The following ABHD4 variants were observed in gnomAD, a reference collection of about 807,000 sequenced individuals.
The protein encoded by ABHD4 is (Lyso)-N-acylphosphatidylethanolamine lipase.
ABHD4 carries 35 observed loss-of-function variants against 42.3 expected under a neutral mutation model. The ratio of observed to expected loss-of-function variants is 0.83; its 90% CI spans 0.63 to 1.10. ABHD4 has a LOEUF of 1.10. Ranked by LOEUF, ABHD4 falls within the 50% of genes least tolerant of loss-of-function variation. ABHD4 has a pLI of 0.00. For missense variants in ABHD4, 389 were observed against 454.8 expected (o/e 0.86, Z 1.32); for synonymous variants, 169 against 170.6 (o/e 0.99, Z 0.07).
In ABHD4 at chr14:22,601,518, G is replaced by A. The variant is rs117318975; in HGVS notation, c.24-149G>A. ...AAAGAAACAATCTATCAGGTAGCTA[G>A]GGAACTGCTGCCTGCCATGGGGGGC... On this transcript the variant is annotated intron_variant, in intron 1 of 6. Coordinates refer to ENST00000428304, the MANE Select transcript of ABHD4 (RefSeq NM_022060.3). 1,503 of 665,126 alleles carry A rather than the reference G, an allele frequency of 2.3e-3. 20 individuals carry two copies. In the East Asian group the frequency reaches 0.033, roughly 15 times the overall value. 41.2% of individuals were successfully genotyped at this position (665,126 alleles called of 1,614,324 possible).
Position 22,611,044 on chromosome 14 carries a change from A to C in ABHD4, c.*96A>C. On this transcript the variant is annotated 3_prime_UTR_variant, in exon 7 of 7. Coordinates refer to ENST00000428304, the MANE Select transcript of ABHD4 (RefSeq NM_022060.3). Reference sequence around the variant, plus strand: ...CTCTGTCCTTTCCTCACCAACTAACATGTGCCAGCCAGGCAGAGTCTTGTG... The same window carrying C: ...CTCTGTCCTTTCCTCACCAACTAACCTGTGCCAGCCAGGCAGAGTCTTGTG... The C allele has an allele frequency of 3.7e-6, 4 of 1,066,684 alleles. No individual in the cohort carries two copies. Among genetic ancestry groups the C allele is most frequent in the South Asian group, 1.3e-5 (1 of 76,016 alleles). 66.1% of individuals were successfully genotyped at this position (1,066,684 alleles called of 1,614,324 possible).
At chr14:22,608,202 G>A (rs78146195) in intron 5 of ABHD4, among the ~76,000 whole-genome samples, 3,720 of 152,268 alleles carry the variant, frequency 0.024, 74 homozygotes, top group Middle Eastern at 0.037. Context: ...GTATCTTAAG[G>A]AAAAATTTAT....
At chr14:22,610,222 T>C (rs2037396836) in intron 6 of ABHD4, among the ~76,000 whole-genome samples, 2 of 152,128 alleles carry the variant, frequency 1.3e-5, no homozygotes, top group Non-Finnish European at 2.9e-5. Context: ...CACGCCCAGC[T>C]AATTTTGTAT....
At chr14:22,608,639 G>A (rs2037374634) in intron 5 of ABHD4, among the ~76,000 whole-genome samples, 1 of 152,192 alleles carries the variant, frequency 6.6e-6, no homozygotes, top group Non-Finnish European at 1.5e-5. Flanking sequence ...TCCCCAGTCT[G>A]TGTTTTCATA....
At position 22,604,526 on chromosome 14, in the gene ABHD4, C is replaced by T. The variant is rs370380680; in HGVS notation, c.640+447C>T. ...CCTCCCGAAGTGCTGGGATTACAGG[C>T]GTGAGCCACCGCGCCTGGCCTGTTT... On this transcript the variant is annotated intron_variant, in intron 4 of 6. Transcript: ENST00000428304. Among the ~76,000 whole-genome samples, 42 of 152,102 alleles carry T rather than the reference C, an allele frequency of 2.8e-4. No individual in the cohort carries two copies. The East Asian group carries it at 5.2e-3, about 19-fold the overall frequency.
At chr14:22,599,994 T>G in intron 1 of ABHD4, 1 of 300,858 alleles carries the variant, frequency 3.3e-6, no homozygotes, top group South Asian at 2.6e-5. Flanking sequence ...ACACTGGGAA[T>G]GTAGACAACT....
intron 1 of ABHD4, among the ~76,000 whole-genome samples, 164 bp from the exon 2 acceptor site, chr14:22,601,503 T>A (rs536692841): frequency 7.2e-5 from 11 of 152,246 alleles, no homozygotes; most frequent in Admixed American, 5.9e-4. Context: ...AAAGAAACAA[T>A]CTATCAGGTA....
intron 5 of ABHD4, among the ~76,000 whole-genome samples, chr14:22,608,639 G>C (rs2037374634): frequency 6.6e-6 from 1 of 152,192 alleles, no homozygotes; most frequent in Non-Finnish European, 1.5e-5. Context: ...TCCCCAGTCT[G>C]TGTTTTCATA....
chr14:22,611,082 C>G lies in ABHD4; in HGVS notation c.*134C>G, dbSNP rs2037410279. Reference sequence around the variant, plus strand: ...GCAGAGTCTTGTGCTGTTCCCAGAACAGGACGACAGTGAAAAGAACACTCT... The same window carrying G: ...GCAGAGTCTTGTGCTGTTCCCAGAAGAGGACGACAGTGAAAAGAACACTCT... On this transcript the variant is annotated 3_prime_UTR_variant, in exon 7 of 7. Coordinates refer to ENST00000428304, the MANE Select transcript of ABHD4 (RefSeq NM_022060.3). The G allele has an allele frequency of 2.6e-6, 2 of 763,918 alleles. No homozygotes were observed. The highest frequency in any genetic ancestry group is 4.4e-6 in the Non-Finnish European group (2 of 452,724). The allele number at this position is 763,918 out of a possible 1,614,324, so 47.3% of individuals were successfully genotyped here.
At chr14:22,599,625 G>A (rs991023033) in intron 1 of ABHD4, among the ~76,000 whole-genome samples, 6 of 152,212 alleles carry the variant, frequency 3.9e-5, no homozygotes, top group Non-Finnish European at 4.4e-5. Context: ...CTCCCACCAA[G>A]GACTCTCTGC....
chr14:22,608,804 C>A (rs752693348), intron 5 of ABHD4, among the ~76,000 whole-genome samples: 1 of 152,180 alleles, frequency 6.6e-6, no homozygotes, highest in Admixed American at 6.5e-5. Context: ...CAGGTTCAAG[C>A]GATTCTCCTG....
rs751934217 is a variant in ABHD4 at position 22,606,548 on chromosome 14, C to T, written c.752+15C>T. On this transcript the variant is annotated intron_variant, in intron 5 of 6. Transcript: ENST00000428304. ...CAGAATCCCAGGTGAGGGCCGCTCC[C>T]CAGGCCAGCTTGGGGCAGACAGTTG... 1.9e-6 allele frequency: 3 copies of T among 1,575,566 alleles called. No homozygotes were observed. Among genetic ancestry groups the T allele is most frequent in the Non-Finnish European group, 2.6e-6 (3 of 1,147,828 alleles).
At chr14:22,599,229 G>A (rs972477245) in intron 1 of ABHD4, among the ~76,000 whole-genome samples, 2 of 152,220 alleles carry the variant, frequency 1.3e-5, no homozygotes, top group Non-Finnish European at 2.9e-5. Context: ...TACTTTCTAA[G>A]ATGACTTTTC....
chr14:22,612,765 T>C lies in ABHD4; in HGVS notation c.*1817T>C, dbSNP rs2037429024. On this transcript the variant is annotated 3_prime_UTR_variant, in exon 7 of 7. Transcript: ENST00000428304. ...AAATATTCCTTATGCAGAGATGCCT[T>C]CCCCTGATTCCCTAAACTAGACTCG... 2 of 152,230 alleles carry C rather than the reference T, an allele frequency of 1.3e-5. No homozygotes were observed. Among genetic ancestry groups the C allele is most frequent in the Admixed American group, 6.5e-5 (1 of 15,280 alleles). The allele number at this position is 152,230 out of a possible 1,614,324, so 9.4% of individuals were successfully genotyped here. A position where few individuals can be genotyped will look rare whatever the true frequency, so the allele number is the denominator to read the frequency against.
chr14:22,602,381 C>T (rs2037295666), intron 2 of ABHD4, among the ~76,000 whole-genome samples: 1 of 152,190 alleles, frequency 6.6e-6, no homozygotes, highest in African/African-American at 2.4e-5. Flanking sequence ...CCAGCCATAG[C>T]TACCCTTTCT....
intron 5 of ABHD4, among the ~76,000 whole-genome samples, chr14:22,608,816 C>T (rs1374254920): frequency 6.6e-6 from 1 of 152,216 alleles, no homozygotes; most frequent in Non-Finnish European, 1.5e-5. Context: ...ATTCTCCTGC[C>T]TCAGCCTCCC....
rs147536902 is a variant in ABHD4, at chr14:22,604,208, C to T, written c.640+129C>T. ...GTTATTTAAAGCTGTTAATCTGAAC[C>T]AGATCACTTTGTTCAAGGTTTGAGA... On this transcript the variant is annotated intron_variant, in intron 4 of 6. Coordinates refer to ENST00000428304, the MANE Select transcript of ABHD4 (RefSeq NM_022060.3). 574 of 1,083,404 alleles carry T rather than the reference C, an allele frequency of 5.3e-4. 13 individuals are homozygous for T. In the East Asian group the frequency reaches 0.012, roughly 22 times the overall value. 67.1% of individuals were successfully genotyped at this position (1,083,404 alleles called of 1,614,324 possible). A position where few individuals can be genotyped will look rare whatever the true frequency, so the allele number is the denominator to read the frequency against.
At chr14:22,604,336 C>T (rs570101776) in intron 4 of ABHD4, 295 of 332,336 alleles carry the variant, frequency 8.9e-4, no homozygotes, top group African/African-American at 5.8e-3. Flanking sequence ...CTGCAAGCTC[C>T]GCCTCCCAGG....
At chr14:22,607,029 C>T (rs1208842952) in intron 5 of ABHD4, among the ~76,000 whole-genome samples, 1 of 152,132 alleles carries the variant, frequency 6.6e-6, no homozygotes, top group Non-Finnish European at 1.5e-5. Flanking sequence ...CCTCCATGTA[C>T]ATATTCCTTT....
Sources: gnomAD v4.1 joint callset for allele counts (sites outside exome capture counted in the v4.1 genomes callset) on GRCh38, gnomAD v4.1.1 for gene constraint, MANE v1.5 for transcripts, NCBI Gene and HGNC (gene_info 2026-07-23, HGNC 2026-07-21) for gene names.